CUX1: variants seen among roughly 807,000 people sequenced by gnomAD.
CUX1 encodes the protein protein CASP.
In CUX1, 31 loss-of-function variants were observed where a neutral mutation model predicts 158.8. The ratio of observed to expected loss-of-function variants is 0.20; its 90% confidence interval spans 0.15 to 0.26. CUX1 has a LOEUF of 0.26. CUX1 is among the 10% of genes least tolerant of loss of function. CUX1 has a pLI of 1.00. For synonymous variants in CUX1, 879 were observed against 862.1 expected, an observed-to-expected ratio of 1.02 and a Z score of -0.34; for missense variants, 1,589 against 2,014.6, an observed-to-expected ratio of 0.79 and a Z score of 4.04.
intron 17 of CUX1, among the ~76,000 whole-genome samples, chr7:102,275,841 T>C (rs576509397): frequency 1.3e-5 from 2 of 152,094 alleles, no homozygotes; most frequent in East Asian, 1.9e-4. Context: ...AAACCCCGTC[T>C]CTACTAAAAA....
intron 2 of CUX1, among the ~76,000 whole-genome samples, chr7:101,990,653 A>G (rs1156418547): frequency 1.3e-5 from 2 of 151,908 alleles, no homozygotes; most frequent in Non-Finnish European, 2.9e-5. Context: ...CTGGGATTAC[A>G]GGTGTGAGTC....
chr7:101,982,536 C>T (rs1813572484), intron 2 of CUX1, among the ~76,000 whole-genome samples: 1 of 152,036 alleles, frequency 6.6e-6, no homozygotes, highest in Admixed American at 6.6e-5. Context: ...AGGTGATTCT[C>T]ATGCCTCAGC....
intron 1 of CUX1, among the ~76,000 whole-genome samples, chr7:101,852,615 T>C (rs913626103): frequency 6.6e-6 from 1 of 150,880 alleles, no homozygotes; most frequent in African/African-American, 2.5e-5. Context: ...AAGAACCTGT[T>C]GCAACAAATA....
At chr7:102,114,476 C>T (rs982629320) in intron 7 of CUX1, among the ~76,000 whole-genome samples, 2 of 152,150 alleles carry the variant, frequency 1.3e-5, no homozygotes, top group African/African-American at 2.4e-5. Context: ...AGAGTTTCGC[C>T]ATTTTGGCCA....
chr7:102,090,382 T>G (rs1183945340), intron 4 of CUX1, among the ~76,000 whole-genome samples: 2 of 151,956 alleles, frequency 1.3e-5, no homozygotes, highest in African/African-American at 4.8e-5. Context: ...TTTTTTTGTT[T>G]TTTTGTTTTG....
Position 101,967,262 on chromosome 7 carries a change from G to A in CUX1, c.141+51037G>A, listed in dbSNP as rs111477922. The stretch of plus-strand genomic sequence containing the variant: ...ACTCCTGACCTCAGGCTATCCACCC[G>A]CCTCAGCCTCCCAAAGTGCTGGGAT... On this transcript the variant is annotated intron_variant, in intron 2 of 23. Coordinates refer to ENST00000292535, the MANE Select transcript of CUX1 (RefSeq NM_181552.4). Among the ~76,000 whole-genome samples, 18 of 151,980 alleles carry A rather than the reference G, an allele frequency of 1.2e-4. 1 individual carries two copies. Among genetic ancestry groups the A allele is most frequent in the South Asian group, 6.2e-4 (3 of 4,820 alleles).
rs1277510724 is a variant in CUX1 at position 102,251,959 on chromosome 7, T to C, written c.*2917T>C. On this transcript the variant is annotated 3_prime_UTR_variant, in exon 24 of 24. Transcript: ENST00000292535. ...TTGACCCTCCCAAGCAATTTAGTCATATGTGTTGTTTTCTCTTTTCTGTTT... is the reference window on the plus strand; with the variant it reads ...TTGACCCTCCCAAGCAATTTAGTCACATGTGTTGTTTTCTCTTTTCTGTTT... 1 of 985,272 alleles carries C rather than the reference T, an allele frequency of 1.0e-6. No individual in the cohort carries two copies. The highest frequency in any genetic ancestry group is 1.1e-4 in the East Asian group (1 of 8,820). 61.0% of individuals were successfully genotyped at this position (985,272 alleles called of 1,614,324 possible).
intron 11 of CUX1, among the ~76,000 whole-genome samples, chr7:102,184,058 C>T (rs1466290316): frequency 7.2e-5 from 11 of 152,114 alleles, no homozygotes; most frequent in Non-Finnish European, 1.0e-4. Flanking sequence ...CCACCACACC[C>T]GGCGAATTTT....
chr7:101,939,058 C>CATATAT (rs58303224), intron 2 of CUX1, among the ~76,000 whole-genome samples: 15 of 52,668 alleles, frequency 2.8e-4, no homozygotes, highest in Non-Finnish European at 3.5e-4. Flanking sequence ...AAAAAAAATA[C>CATATAT]ATATATATAT....
intron 8 of CUX1, among the ~76,000 whole-genome samples, chr7:102,152,674 G>T (rs1395687394): frequency 6.6e-6 from 1 of 152,226 alleles, no homozygotes; most frequent in Non-Finnish European, 1.5e-5. Flanking sequence ...TTACAGGCAT[G>T]AGCCACTGCA....
Position 102,250,045 on chromosome 7 carries a change from A to G in CUX1, c.*1003A>G, listed in dbSNP as rs1025704161. 1 of 976,332 alleles carries G rather than the reference A, an allele frequency of 1.0e-6. No individual in the cohort carries two copies. Among genetic ancestry groups the G allele is most frequent in the African/African-American group, 1.8e-5 (1 of 54,768 alleles). 60.5% of individuals were successfully genotyped at this position (976,332 alleles called of 1,614,324 possible). A position where few individuals can be genotyped will look rare whatever the true frequency, so the allele number is the denominator to read the frequency against. ...CTCCATTCTAGGCCAAATCAGGACA[A>G]AAAAAAGAAAAAAAAAGAAAAAAAA... On this transcript the variant is annotated 3_prime_UTR_variant, in exon 24 of 24. Coordinates refer to ENST00000292535, the MANE Select transcript of CUX1 (RefSeq NM_181552.4).
intron 3 of CUX1, among the ~76,000 whole-genome samples, chr7:102,049,433 A>G (rs1823221699): frequency 6.6e-6 from 1 of 152,114 alleles, no homozygotes; most frequent in Admixed American, 6.6e-5. Flanking sequence ...CTGATGTCGA[A>G]CTCCGAAGCC....
At chr7:102,010,767 C>T (rs905734816) in intron 2 of CUX1, among the ~76,000 whole-genome samples, 5 of 152,160 alleles carry the variant, frequency 3.3e-5, no homozygotes, top group African/African-American at 4.8e-5. Context: ...TAAAAGATGC[C>T]GGTTGTGCTT....
At chr7:101,956,026 C>CA (rs1162287055) in intron 2 of CUX1, among the ~76,000 whole-genome samples, 3 of 144,808 alleles carry the variant, frequency 2.1e-5, no homozygotes, top group African/African-American at 7.6e-5. Flanking sequence ...ACTAAAAATA[C>CA]AAAAAATTAG....
At chr7:101,884,895 G>C (rs1800070000) in intron 1 of CUX1, among the ~76,000 whole-genome samples, 1 of 152,114 alleles carries the variant, frequency 6.6e-6, no homozygotes, top group Non-Finnish European at 1.5e-5. Context: ...AGTTCTGCCT[G>C]GTTTTGGTGA....
intron 3 of CUX1, among the ~76,000 whole-genome samples, chr7:102,058,702 T>A (rs1329689516): frequency 1.3e-5 from 2 of 152,262 alleles, no homozygotes; most frequent in East Asian, 1.9e-4. Flanking sequence ...ACATCTACAA[T>A]TTTTTTATTG....
intron 1 of CUX1, among the ~76,000 whole-genome samples, chr7:101,853,458 C>T (rs1218061022): frequency 6.6e-6 from 1 of 152,162 alleles, no homozygotes; most frequent in East Asian, 1.9e-4. Context: ...ATTTCTTTAG[C>T]CTTTGTCCTG....
In CUX1 at chr7:101,984,077, CA is replaced by C. The variant is rs1181549351; in HGVS notation, c.142-44008del. On this transcript the variant is annotated intron_variant, in intron 2 of 23. Transcript: ENST00000292535. ...GACAGAGCAAGACTCTGTCCCCCCC[CA>C]AAAAAAAAAAAATATATATATATAT... 7.4e-3 allele frequency among the ~76,000 whole-genome samples: 124 copies of C among 16,774 alleles called. 5 individuals carry two copies. The highest frequency in any genetic ancestry group is 0.035 in the African/African-American group (113 of 3,244). The allele number at this position is 16,774 out of a possible 152,430, so 11.0% of individuals were successfully genotyped here.
chr7:102,167,267 CAAAAA>C (rs562023948), intron 9 of CUX1, among the ~76,000 whole-genome samples: 3 of 121,788 alleles, frequency 2.5e-5, no homozygotes, highest in African/African-American at 9.1e-5. Context: ...GACTCTGTAT[CAAAAA>C]AAAAAAAAGA....
Sources: allele counts gnomAD v4.1 joint callset (sites outside exome capture counted in the v4.1 genomes callset), GRCh38; gene constraint gnomAD v4.1.1; transcripts MANE v1.5; gene names NCBI Gene and HGNC (gene_info 2026-07-23, HGNC 2026-07-21).